Variants in METTL15 observed in about 807,000 individuals in gnomAD.
The protein encoded by METTL15 is methyltransferase 15, mitochondrial 12S rRNA N4-cytidine.
Under a neutral mutation model 38.3 loss-of-function variants are expected in METTL15, and 34 were observed. The ratio of observed to expected loss-of-function variants is 0.89; its 90% CI spans 0.68 to 1.18. The LOEUF (loss-of-function observed/expected upper bound fraction) is 1.18, where lower values mean the gene tolerates loss of function less well. Among genes scored for constraint, METTL15 ranks in the 50% most tolerant of loss-of-function variants. The probability of loss-of-function intolerance (pLI) is 0.00; values close to 1 mark genes in which losing one functional copy is unlikely to be tolerated. For missense variants in METTL15, 438 were observed against 498.4 expected (o/e 0.88, Z 1.15); for synonymous variants, 162 against 170.9 (o/e 0.95, Z 0.41).
chr11:28,171,023 C>A (rs1366694916), intron 3 of METTL15, among the ~76,000 whole-genome samples: 2 of 152,078 alleles, frequency 1.3e-5, no homozygotes, highest in African/African-American at 2.4e-5. Flanking sequence ...TTTTTCTATC[C>A]CATCTCTTCT....
At chr11:28,249,409 T>G (rs1268340859) in intron 4 of METTL15, among the ~76,000 whole-genome samples, 1 of 152,014 alleles carries the variant, frequency 6.6e-6, no homozygotes, top group African/African-American at 2.4e-5. Context: ...AGCTAAAAAT[T>G]GAAATACCCT....
chr11:28,198,982 AT>A lies in METTL15; in HGVS notation c.271-12066del, dbSNP rs34011846. Among the ~76,000 whole-genome samples the A allele has an allele frequency of 8.5e-3, 1,236 of 146,062 alleles. 18 individuals carry two copies. Among genetic ancestry groups the A allele is most frequent in the African/African-American group, 0.026 (1,028 of 39,742 alleles). ...GGGGCATTATGAACTCTTTTTAGTGATTTTTTTTTTTTTTAATGTCCAAATA... is the reference window on the plus strand; with the variant it reads ...GGGGCATTATGAACTCTTTTTAGTGATTTTTTTTTTTTTAATGTCCAAATA... On this transcript the variant is annotated intron_variant, in intron 3 of 6. Transcript: ENST00000407364.
intron 3 of METTL15, among the ~76,000 whole-genome samples, chr11:28,186,629 G>A (rs1221607683): frequency 6.6e-6 from 1 of 150,988 alleles, no homozygotes; most frequent in Non-Finnish European, 1.5e-5. Flanking sequence ...AATAGTGAAG[G>A]TTAAAGTGAG....
At chr11:28,257,029 T>A (rs1232171614) in intron 4 of METTL15, among the ~76,000 whole-genome samples, 1 of 152,196 alleles carries the variant, frequency 6.6e-6, no homozygotes, top group African/African-American at 2.4e-5. Context: ...AGTTTTATTC[T>A]TTTTCTTTCC....
chr11:28,140,960 C>G (rs1849678861), intron 3 of METTL15, among the ~76,000 whole-genome samples: 1 of 152,150 alleles, frequency 6.6e-6, no homozygotes, highest in Non-Finnish European at 1.5e-5. Context: ...TACTGTATGC[C>G]TGAAGCTGGC....
chr11:28,442,795 A>G (rs918318850), intron 6 of METTL15, among the ~76,000 whole-genome samples: 4 of 152,214 alleles, frequency 2.6e-5, no homozygotes, highest in Non-Finnish European at 2.9e-5. Context: ...GGAAAAAATA[A>G]TATCCTGCTA....
At position 28,150,531 on chromosome 11, in the gene METTL15, T is replaced by C. The variant is rs925502687; in HGVS notation, c.270+36927T>C. 2.6e-5 allele frequency among the ~76,000 whole-genome samples: 4 copies of C among 151,980 alleles called. No individual in the cohort carries two copies. The East Asian group carries it at 7.7e-4, about 29-fold the overall frequency. ...AAGGAGAAAAGGTGAGGATATTGAATTGGAAAAAGTATTCTAAAAATATCT... is the reference window on the plus strand; with the variant it reads ...AAGGAGAAAAGGTGAGGATATTGAACTGGAAAAAGTATTCTAAAAATATCT... On this transcript the variant is annotated intron_variant, in intron 3 of 6. Transcript: ENST00000407364.
chr11:28,285,517 A>G (rs1590263275), intron 4 of METTL15, among the ~76,000 whole-genome samples: 1 of 152,266 alleles, frequency 6.6e-6, no homozygotes, highest in South Asian at 2.1e-4. Context: ...TGATAGCTAT[A>G]GTAGTTAGCA....
chr11:28,378,308 A>G (rs1237330983), intron 5 of METTL15, among the ~76,000 whole-genome samples: 1 of 151,916 alleles, frequency 6.6e-6, no homozygotes, highest in Non-Finnish European at 1.5e-5. Flanking sequence ...AATCAGCGAT[A>G]CTCCGTGGGG....
At chr11:28,387,947 T>C (rs957150158) in intron 5 of METTL15, among the ~76,000 whole-genome samples, 1 of 152,050 alleles carries the variant, frequency 6.6e-6, no homozygotes, top group Non-Finnish European at 1.5e-5. Context: ...AAGGACAAAA[T>C]TTACATGATC....
In METTL15 at chr11:28,108,403, C is replaced by T. The variant is rs933643308; in HGVS notation, c.-303C>T. 1 of 152,508 alleles carries T rather than the reference C, an allele frequency of 6.6e-6. No homozygotes were observed. Among genetic ancestry groups the T allele is most frequent in the African/African-American group, 2.4e-5 (1 of 41,466 alleles). 9.4% of individuals were successfully genotyped at this position (152,508 alleles called of 1,614,324 possible). A position where few individuals can be genotyped will look rare whatever the true frequency, so the allele number is the denominator to read the frequency against. ...GGTGGGAGGCAGCCACTTGAGATCA[C>T]CAGGCCTCCTGTAGACCGGCGGGTG... On this transcript the variant is annotated 5_prime_UTR_variant, in exon 1 of 7. Coordinates refer to ENST00000407364, the MANE Select transcript of METTL15 (RefSeq NM_001113528.2).
downstream of METTL15, among the ~76,000 whole-genome samples, chr11:28,527,305 T>C (rs1381784349): frequency 2.6e-5 from 4 of 152,256 alleles, no homozygotes; most frequent in African/African-American, 7.2e-5. Flanking sequence ...GAAAGTAGCA[T>C]AGAGTTGAAT....
At chr11:28,417,851 A>G (rs934713725) in intron 5 of METTL15, among the ~76,000 whole-genome samples, 9 of 152,220 alleles carry the variant, frequency 5.9e-5, no homozygotes, top group African/African-American at 2.2e-4. Flanking sequence ...TTCTGGTTAC[A>G]AAGTTCATAT....
intron 5 of METTL15, among the ~76,000 whole-genome samples, chr11:28,370,253 C>T (rs1009105602): frequency 6.6e-6 from 1 of 151,928 alleles, no homozygotes; most frequent in Non-Finnish European, 1.5e-5. Context: ...AACCACCAAT[C>T]TATACTAAAG....
At chr11:28,305,446 C>T (rs756128747) in intron 6 of METTL15, among the ~76,000 whole-genome samples, 1 of 152,132 alleles carries the variant, frequency 6.6e-6, no homozygotes, top group Admixed American at 6.5e-5. Flanking sequence ...CACAGCAACC[C>T]ATGAGGCTGG....
At chr11:28,491,644 C>G (rs1851495676) in intron 6 of METTL15, among the ~76,000 whole-genome samples, 1 of 152,066 alleles carries the variant, frequency 6.6e-6, no homozygotes, top group African/African-American at 2.4e-5. Context: ...AAATCAAATC[C>G]ATGGGTAAAA....
intron 3 of METTL15, among the ~76,000 whole-genome samples, chr11:28,160,975 CA>C (rs1393291777): frequency 6.6e-6 from 1 of 151,846 alleles, no homozygotes; most frequent in African/African-American, 2.4e-5. Flanking sequence ...GTCAGAAATA[CA>C]CACTAAAATA....
chr11:28,342,071 A>C (rs1308689404), intron 3 of METTL15, among the ~76,000 whole-genome samples: 1 of 152,168 alleles, frequency 6.6e-6, no homozygotes, highest in Non-Finnish European at 1.5e-5. Context: ...TAAAACTGTC[A>C]GGGCCACATT....
At chr11:28,241,402 C>T (rs565230793) in intron 4 of METTL15, among the ~76,000 whole-genome samples, 5 of 151,980 alleles carry the variant, frequency 3.3e-5, no homozygotes, top group African/African-American at 4.8e-5. Context: ...GGCATGGTGG[C>T]GGGCGCCTGT....
Sources: allele counts gnomAD v4.1 joint callset (sites outside exome capture counted in the v4.1 genomes callset), GRCh38; gene constraint gnomAD v4.1.1; transcripts MANE v1.5; gene names NCBI Gene and HGNC (gene_info 2026-07-23, HGNC 2026-07-21).